FRMPD3: variants seen among roughly 807,000 people sequenced by gnomAD.
FRMPD3 encodes the protein FERM and PDZ domain-containing protein 3.
A neutral mutation model predicts 97.9 loss-of-function variants in FRMPD3; 42 were observed. That is an observed-to-expected ratio of 0.43 (90% CI 0.34 to 0.55). FRMPD3 has a LOEUF of 0.55. Ranked by LOEUF, FRMPD3 falls within the 20% of genes least tolerant of loss-of-function variation. The pLI is 0.03. For missense variants in FRMPD3, 1,303 were observed against 1,457.7 expected (o/e 0.89, Z 1.73); for synonymous variants, 577 against 581.1 (o/e 0.99, Z 0.10).
chrX:107,521,975 A>C (rs1368617108), intron 1 of FRMPD3, among the ~76,000 whole-genome samples: 2 of 112,257 alleles, frequency 1.8e-5, no homozygotes, highest in African/African-American at 3.2e-5. Context: ...ACATCTGCCT[A>C]GCAACAGTTG....
Position 107,603,552 on chromosome X carries a change from T to G in FRMPD3, c.*179T>G, listed in dbSNP as rs1924665725. On this transcript the variant is annotated 3_prime_UTR_variant, in exon 15 of 15. Transcript: ENST00000683843. ...AGGCTCTCTCTTAAGGGCTGCAGGC[T>G]TAGCTGCCGCCCTGGGTGTCCTCAC... The G allele has an allele frequency of 2.1e-6, 2 of 956,744 alleles. No individual in the cohort carries two copies. The highest frequency in any genetic ancestry group is 2.7e-6 in the Non-Finnish European group (2 of 731,168). 78.8% of individuals were successfully genotyped at this position (956,744 alleles called of 1,213,427 possible). A position where few individuals can be genotyped will look rare whatever the true frequency, so the allele number is the denominator to read the frequency against.
intron 1 of FRMPD3, among the ~76,000 whole-genome samples, chrX:107,514,216 T>C (rs1922242650): frequency 9.0e-6 from 1 of 111,424 alleles, no homozygotes; most frequent in African/African-American, 3.3e-5. Flanking sequence ...GTGGGGGAGT[T>C]GGCAGGTAGG....
At chrX:107,560,118 G>T in intron 8 of FRMPD3, 139 bp from the exon 9 acceptor site, 1 of 706,184 alleles carries the variant, frequency 1.4e-6, no homozygotes, top group Non-Finnish European at 2.1e-6. Context: ...CTTCTCCAAG[G>T]GGAGCTCCTT....
chrX:107,469,050 G>C (rs1602752242), intron 1 of FRMPD3, among the ~76,000 whole-genome samples: 1 of 112,200 alleles, frequency 8.9e-6, no homozygotes, highest in Non-Finnish European at 1.9e-5. Flanking sequence ...AAGTTATGTG[G>C]TGGAGAATAG....
At chrX:107,456,762 T>C (rs1931383746) in intron 1 of FRMPD3, among the ~76,000 whole-genome samples, 1 of 112,348 alleles carries the variant, frequency 8.9e-6, no homozygotes, top group Non-Finnish European at 1.9e-5. Context: ...GAAATCAGGT[T>C]GTTTGCTCTG....
At chrX:107,588,810 C>T (rs184228460) in intron 13 of FRMPD3, among the ~76,000 whole-genome samples, 7 of 111,549 alleles carry the variant, frequency 6.3e-5, no homozygotes, top group East Asian at 2.8e-4. Flanking sequence ...TGTCTGCATG[C>T]CTTATTTCAG....
chrX:107,479,239 T>C (rs1339865497), intron 1 of FRMPD3, among the ~76,000 whole-genome samples: 1 of 112,370 alleles, frequency 8.9e-6, no homozygotes, highest in Admixed American at 9.4e-5. Context: ...CCCATAGGGA[T>C]TGCCTCCCTG....
chrX:107,573,736 C>T (rs1922999999), intron 12 of FRMPD3, among the ~76,000 whole-genome samples: 1 of 112,378 alleles, frequency 8.9e-6, no homozygotes, highest in South Asian at 3.7e-4. Context: ...CTTATTGTGG[C>T]ATGCATTGTA....
At chrX:107,593,925 A>G (rs1252688947) in intron 13 of FRMPD3, among the ~76,000 whole-genome samples, 1 of 111,368 alleles carries the variant, frequency 9.0e-6, no homozygotes. Flanking sequence ...TGATGATGGC[A>G]TTTTGATGGG....
Position 107,576,562 on chromosome X carries a change from C to T in FRMPD3, c.1441+103C>T. On this transcript the variant is annotated intron_variant, in intron 13 of 14. Transcript: ENST00000683843. ...TGCCTTAGTGCTCACCCCGTGCCAACAGTGCCTGATTTGCCAGGAGCCAAC... is the reference window on the plus strand; with the variant it reads ...TGCCTTAGTGCTCACCCCGTGCCAATAGTGCCTGATTTGCCAGGAGCCAAC... The T allele has an allele frequency of 3.2e-6, 3 of 947,639 alleles. No individual in the cohort carries two copies. In the East Asian group the frequency reaches 9.3e-5, roughly 29 times the overall value. The allele number at this position is 947,639 out of a possible 1,213,427, so 78.1% of individuals were successfully genotyped here. A position where few individuals can be genotyped will look rare whatever the true frequency, so the allele number is the denominator to read the frequency against.
Position 107,449,938 on chromosome X carries a change from C to A in FRMPD3, c.-75C>A, listed in dbSNP as rs1270104539. On this transcript the variant is annotated 5_prime_UTR_variant, in exon 1 of 15. Transcript: ENST00000683843. The stretch of plus-strand genomic sequence containing the variant: ...CGCCGCCGCTGCGCCGCCGCTGCCG[C>A]GCCGCTGAGGAGGCGGAGGAGGAGG... 6.4e-5 allele frequency among the ~76,000 whole-genome samples: 7 copies of A among 110,036 alleles called. No homozygotes were observed. In the East Asian group the frequency reaches 2.0e-3, roughly 32 times the overall value.
intron 1 of FRMPD3, among the ~76,000 whole-genome samples, chrX:107,515,876 C>T (rs961703664): frequency 4.5e-5 from 5 of 111,497 alleles, no homozygotes; most frequent in African/African-American, 1.6e-4. Context: ...GAAACATCCT[C>T]CATTTTTTTA....
intron 4 of FRMPD3, 87 bp from the exon 5 acceptor site, chrX:107,545,650 T>G: frequency 2.9e-6 from 2 of 688,189 alleles, no homozygotes; most frequent in Admixed American, 5.3e-5. Flanking sequence ...AAAGTGTACC[T>G]GTACTGGGAC....
chrX:107,541,126 A>G (rs1339794281), intron 4 of FRMPD3, among the ~76,000 whole-genome samples: 1 of 113,261 alleles, frequency 8.8e-6, no homozygotes, highest in Admixed American at 9.3e-5. Context: ...GTAGGCCTGT[A>G]ATTTGCTGGC....
chrX:107,533,655 C>G, intron 4 of FRMPD3, 105 bp downstream of exon 4: 2 of 687,979 alleles, frequency 2.9e-6, no homozygotes, highest in Non-Finnish European at 4.5e-6. Context: ...GAGACTACAA[C>G]CAACATATGA....
chrX:107,474,249 C>T (rs1214283206), intron 1 of FRMPD3, among the ~76,000 whole-genome samples: 1 of 111,721 alleles, frequency 9.0e-6, no homozygotes, highest in Non-Finnish European at 1.9e-5. Context: ...GGCAGCTTCT[C>T]CTTTATTTAC....
At chrX:107,483,494 A>G (rs757201784) in intron 1 of FRMPD3, among the ~76,000 whole-genome samples, 5 of 112,006 alleles carry the variant, frequency 4.5e-5, no homozygotes, top group Non-Finnish European at 9.4e-5. Flanking sequence ...CTTTCTGAGC[A>G]CAAAAGCAGA....
rs368170440 is a variant in FRMPD3, at chrX:107,597,601, G to A, written c.1722G>A (p.Glu574=). The A allele has an allele frequency of 1.7e-6, 2 of 1,209,143 alleles. No individual in the cohort carries two copies. Among genetic ancestry groups the A allele is most frequent in the African/African-American group, 3.5e-5 (2 of 57,225 alleles). The stretch of plus-strand genomic sequence containing the variant: ...CCAAAAGCTCTGGCCAAGGTTATGA[G>A]GTAGTCCCTGATGACTTTGATGCAG... ...PTSKSSGQGY[E]VVPDDFDAAS... The change falls in exon 14 of 15, where the codon GAG becomes GAA. Residue 574 remains glutamate (E), a synonymous_variant. Transcript: ENST00000683843.
intron 1 of FRMPD3, among the ~76,000 whole-genome samples, chrX:107,481,110 A>G (rs924901784): frequency 1.8e-5 from 2 of 111,700 alleles, no homozygotes; most frequent in African/African-American, 6.5e-5. Context: ...TGATAGCCCA[A>G]GCTTGGGTGA....
Sources: allele counts gnomAD v4.1 joint callset (sites outside exome capture counted in the v4.1 genomes callset), GRCh38; gene constraint gnomAD v4.1.1; transcripts MANE v1.5; gene names NCBI Gene and HGNC (gene_info 2026-07-23, HGNC 2026-07-21).